LMBRD2: variants seen among roughly 807,000 people sequenced by gnomAD.
LMBRD2 encodes the protein LMBR1 domain containing 2.
Under a neutral mutation model 94.4 loss-of-function variants are expected in LMBRD2, and 55 were observed. That is an observed-to-expected ratio of 0.58 (90% CI 0.47 to 0.73). The LOEUF (loss-of-function observed/expected upper bound fraction) is 0.73, where lower values mean the gene tolerates loss of function less well. Ranked by LOEUF, LMBRD2 falls within the 30% of genes least tolerant of loss-of-function variation. LMBRD2 has a pLI of 0.00. For synonymous variants in LMBRD2, 246 were observed against 272.4 expected (o/e 0.90, Z 0.95); for missense variants, 640 against 831.9 (o/e 0.77, Z 2.84).
At chr5:36,132,780 T>C (rs116041234) in intron 6 of LMBRD2, among the ~76,000 whole-genome samples, 4,956 of 152,010 alleles carry the variant, frequency 0.033, 278 homozygotes, top group African/African-American at 0.11. Context: ...ATTTGTGTTA[T>C]AGCAATTGTA....
chr5:36,108,567 C>A lies in LMBRD2; in HGVS notation c.1864G>T (p.Glu622Ter). 8.2e-6 allele frequency: 13 copies of A among 1,594,216 alleles called. No individual in the cohort carries two copies. The highest frequency in any genetic ancestry group is 1.1e-5 in the Non-Finnish European group (13 of 1,166,358). ...RNRNIHTDPK[E>*]SNFSDVNTNR... Reference sequence around the variant, plus strand: ...GTATTAACATCTGAGAAGTTTGACTCTTTGGGGTCAGTATGAATATTTCTG... The same window carrying A: ...GTATTAACATCTGAGAAGTTTGACTATTTGGGGTCAGTATGAATATTTCTG... Residue 622 changes from glutamate to a stop codon, truncating the protein, a stop_gained, in exon 16 of 18, where the codon GAG becomes TAG. Coordinates refer to ENST00000296603, the MANE Select transcript of LMBRD2 (RefSeq NM_001007527.2). LOFTEE classifies it high-confidence loss of function.
In LMBRD2 at chr5:36,114,448, A is replaced by T; in HGVS notation, c.1616T>A (p.Ile539Asn). The T allele has an allele frequency of 6.4e-7, 1 of 1,561,586 alleles. No homozygotes were observed. Among genetic ancestry groups the T allele is most frequent in the Non-Finnish European group, 8.6e-7 (1 of 1,160,312 alleles). ...FYIYYPMLVV[I>N]LCIATYFSLG... ...CCTAAAATAAGTAGCAATGCAGAGA[A>T]TTACCACCAACATAGGATAATATAT... is the stretch of plus-strand genomic sequence containing the variant. The change falls in exon 13 of 18, where the codon ATT becomes AAT. Residue 539 changes from isoleucine to asparagine, a missense_variant. By Grantham distance (149) the Ile-to-Asn change is moderately radical (BLOSUM62 -3). Coordinates refer to ENST00000296603, the MANE Select transcript of LMBRD2 (RefSeq NM_001007527.2).
At chr5:36,104,659 ATTTTTG>A (rs1176067097) in intron 17 of LMBRD2, among the ~76,000 whole-genome samples, 56 of 151,932 alleles carry the variant, frequency 3.7e-4, no homozygotes, top group Non-Finnish European at 7.1e-4. Flanking sequence ...CAATTACAAT[ATTTTTG>A]CTAAAGGACT....
rs923777126 is a variant in LMBRD2 at position 36,098,603 on chromosome 5, C to T, written c.*5443G>A. The T allele has an allele frequency of 3.3e-5, 5 of 151,926 alleles. No homozygotes were observed. Among genetic ancestry groups the T allele is most frequent in the Non-Finnish European group, 7.4e-5 (5 of 67,896 alleles). The allele number at this position is 151,926 out of a possible 1,614,324, so 9.4% of individuals were successfully genotyped here. A position where few individuals can be genotyped will look rare whatever the true frequency, so the allele number is the denominator to read the frequency against. On this transcript the variant is annotated 3_prime_UTR_variant, in exon 18 of 18. Transcript: ENST00000296603. Reference sequence around the variant, plus strand: ...ATTTCATGCAAAGCTACATTCTTTCCTATATTTTAACAGCTAATCAAATAA... The same window carrying T: ...ATTTCATGCAAAGCTACATTCTTTCTTATATTTTAACAGCTAATCAAATAA...
At chr5:36,109,859 T>C (rs1743562221) in intron 15 of LMBRD2, 86 bp downstream of exon 15, 4 of 984,010 alleles carry the variant, frequency 4.1e-6, no homozygotes, top group Non-Finnish European at 4.6e-6. Context: ...TTTCTGTCTT[T>C]AGCTAATTAT....
chr5:36,120,404 G>A (rs1214400112), intron 9 of LMBRD2, among the ~76,000 whole-genome samples: 2 of 152,134 alleles, frequency 1.3e-5, no homozygotes, highest in African/African-American at 4.8e-5. Flanking sequence ...GGGACTACAG[G>A]CACGCACCAC....
At chr5:36,116,927 G>A (rs925708133) in intron 10 of LMBRD2, among the ~76,000 whole-genome samples, 10 of 151,882 alleles carry the variant, frequency 6.6e-5, no homozygotes, top group Non-Finnish European at 1.2e-4. Flanking sequence ...ATTCGCCTTC[G>A]CCTCCCAAAG....
In LMBRD2 at chr5:36,137,372, A is replaced by G. The variant is rs745537311; in HGVS notation, c.438T>C (p.Thr146=). The change falls in exon 5 of 18, where the codon ACT becomes ACC. Residue 146 remains threonine (T), a synonymous_variant. Transcript: ENST00000296603. ...AGTAGATTGCATTCTCAATTAGTGC[A>G]GTTTTGATCTTTCCAGTGATGGAAA... The part of the protein sequence containing the change: ...GGFSITGKIK[T]ALIENAIYYG... The G allele has an allele frequency of 6.8e-6, 11 of 1,606,692 alleles. No individual in the cohort carries two copies. Among genetic ancestry groups the G allele is most frequent in the Non-Finnish European group, 9.4e-6 (11 of 1,174,858 alleles).
chr5:36,151,870 G>C lies in LMBRD2; in HGVS notation c.-372C>G. The C allele has an allele frequency of 3.7e-6, 1 of 269,368 alleles. No homozygotes were observed. 16.7% of individuals were successfully genotyped at this position (269,368 alleles called of 1,614,324 possible). On this transcript the variant is annotated 5_prime_UTR_variant, in exon 1 of 18. Transcript: ENST00000296603. This position sits in a 1 kb window ranked among gnomAD's most constrained non-coding sequence, Gnocchi z 4.7. ...AAGGAAAATCCGTCTACAGTCCAGC[G>C]GCTGACATTTCCCAGTCAGCCGTAG...
At position 36,103,359 on chromosome 5, in the gene LMBRD2, CCA is replaced by C. The variant is rs1389674554; in HGVS notation, c.*685_*686del. ...AGCAATACCAGAAGCATAAAAAAAT[CCA>C]GTTACTACAAAGACTGAAGGAATAC... On this transcript the variant is annotated 3_prime_UTR_variant, in exon 18 of 18. Transcript: ENST00000296603. 6.6e-6 allele frequency: 1 copy of C among 152,108 alleles called. No individual in the cohort carries two copies. The highest frequency in any genetic ancestry group is 1.5e-5 in the Non-Finnish European group (1 of 67,748). The allele number at this position is 152,108 out of a possible 1,614,324, so 9.4% of individuals were successfully genotyped here.
At chr5:36,108,745 A>G (rs1238205547) in intron 15 of LMBRD2, 106 bp from the exon 16 acceptor site, 2 of 451,982 alleles carry the variant, frequency 4.4e-6, no homozygotes, top group Non-Finnish European at 7.8e-6. Flanking sequence ...ATTCATTAGT[A>G]ATCAATATAA....
chr5:36,142,685 T>A (rs1744440356), intron 2 of LMBRD2, 86 bp from the exon 3 acceptor site: 1 of 740,814 alleles, frequency 1.3e-6, no homozygotes, highest in Admixed American at 2.2e-5. Context: ...AATCTATCTA[T>A]CTAAACTTAC....
At chr5:36,144,773 T>C (rs952912648) in intron 1 of LMBRD2, among the ~76,000 whole-genome samples, 1 of 152,160 alleles carries the variant, frequency 6.6e-6, no homozygotes, top group African/African-American at 2.4e-5. Flanking sequence ...TTTAGAATAA[T>C]AGAAAAGACA....
Position 36,122,436 on chromosome 5 carries a change from G to C in LMBRD2, c.964C>G (p.Arg322Gly). ...AGAATCTGCCATTGTACTTGAGTTCGACGGTGTCTCTGAACTGAATAAATC... is the reference window on the plus strand; with the variant it reads ...AGAATCTGCCATTGTACTTGAGTTCCACGGTGTCTCTGAACTGAATAAATC... ...QVIYSVQRHRRTQVQWQILLE... is the reference protein window; with the variant it reads ...QVIYSVQRHRGTQVQWQILLE... The change falls in exon 9 of 18, where the codon CGA (arginine) becomes GGA (glycine). Residue 322 changes from arginine (R) to glycine (G), a missense_variant. Transcript: ENST00000296603. The C allele has an allele frequency of 6.2e-7, 1 of 1,613,320 alleles. No individual in the cohort carries two copies.
At chr5:36,106,780 C>T (rs1743482647) in intron 16 of LMBRD2, among the ~76,000 whole-genome samples, 1 of 151,980 alleles carries the variant, frequency 6.6e-6, no homozygotes. Context: ...AGGCATAAGC[C>T]ACCGCGCCTG....
intron 1 of LMBRD2, among the ~76,000 whole-genome samples, chr5:36,149,584 A>G (rs1296175936): frequency 6.6e-6 from 1 of 152,214 alleles, no homozygotes; most frequent in Non-Finnish European, 1.5e-5. Context: ...GGAGAAACAA[A>G]GAAGGGTGGA....
chr5:36,117,712 TGACA>T lies in LMBRD2; in HGVS notation c.1302+19_1302+22del. 1 of 1,507,878 alleles carries T rather than the reference TGACA, an allele frequency of 6.6e-7. No individual in the cohort carries two copies. Among genetic ancestry groups the T allele is most frequent in the Non-Finnish European group, 9.1e-7 (1 of 1,096,154 alleles). 93.4% of individuals were successfully genotyped at this position (1,507,878 alleles called of 1,614,324 possible). Reference sequence around the variant, plus strand: ...TATACTATGAAGTGACATCTATTTATGACAGACATAAAATAAACTGACCTCGATA... The same window carrying T: ...TATACTATGAAGTGACATCTATTTATGACATAAAATAAACTGACCTCGATA... On this transcript the variant is annotated intron_variant, in intron 10 of 17. Transcript: ENST00000296603.
chr5:36,105,025 T>A (rs371507909), intron 17 of LMBRD2, 43 bp downstream of exon 17: 571 of 1,592,146 alleles, frequency 3.6e-4, no homozygotes, highest in Non-Finnish European at 4.4e-4. Context: ...TTATTAAAAG[T>A]GTAGAGGAAT....
intron 1 of LMBRD2, among the ~76,000 whole-genome samples, chr5:36,144,223 T>G (rs1347849507): frequency 6.6e-6 from 1 of 152,198 alleles, no homozygotes; most frequent in Non-Finnish European, 1.5e-5. Flanking sequence ...ATTTTAAAAT[T>G]GAAAAATTTG....
Sources: gnomAD v4.1 joint callset for allele counts (sites outside exome capture counted in the v4.1 genomes callset) on GRCh38, gnomAD v4.1.1 for gene constraint, Gnocchi (gnomAD v3.1) non-coding constraint, MANE v1.5 for transcripts, NCBI Gene and HGNC (gene_info 2026-07-23, HGNC 2026-07-21) for gene names.